Variants in MOSMO observed in about 807,000 individuals in gnomAD.
MOSMO encodes modulator of smoothened protein.
In MOSMO, 5 loss-of-function variants were observed where a neutral mutation model predicts 18.4. The ratio of observed to expected loss-of-function variants is 0.27; its 90% confidence interval spans 0.14 to 0.57. MOSMO has a LOEUF of 0.57. MOSMO is among the 20% of genes least tolerant of loss of function. The probability of loss-of-function intolerance (pLI) is 0.92; values close to 1 mark genes in which losing one functional copy is unlikely to be tolerated. For synonymous variants in MOSMO, 82 were observed against 82.3 expected (o/e 1.00, Z 0.02); for missense variants, 138 against 211.8 (o/e 0.65, Z 2.16).
In MOSMO at chr16:22,083,991, G is replaced by A. The variant is rs1199017691; in HGVS notation, c.*3111G>A. 3.7e-6 allele frequency: 1 copy of A among 267,888 alleles called. No individual in the cohort carries two copies. Among genetic ancestry groups the A allele is most frequent in the Non-Finnish European group, 7.2e-6 (1 of 139,044 alleles). 16.6% of individuals were successfully genotyped at this position (267,888 alleles called of 1,614,324 possible). A position where few individuals can be genotyped will look rare whatever the true frequency, so the allele number is the denominator to read the frequency against. Reference sequence around the variant, plus strand: ...AGGATGGCTCTTTTTTCTTTTTAATGTTCTAGATGACCAAAACACTATTGG... The same window carrying A: ...AGGATGGCTCTTTTTTCTTTTTAATATTCTAGATGACCAAAACACTATTGG... On this transcript the variant is annotated 3_prime_UTR_variant, in exon 3 of 3. Transcript: ENST00000542527.
intron 1 of MOSMO, chr16:22,064,467 T>G (rs1900711882): frequency 2.2e-6 from 1 of 453,574 alleles, no homozygotes; most frequent in South Asian, 1.6e-5. Flanking sequence ...AATTCTTCCA[T>G]GGGAGTTTCT....
chr16:22,040,716 G>T (rs958567283), intron 1 of MOSMO, among the ~76,000 whole-genome samples: 1 of 152,142 alleles, frequency 6.6e-6, no homozygotes, highest in African/African-American at 2.4e-5. Context: ...GGAGAAGAAG[G>T]CTAAAATTCT....
intron 1 of MOSMO, among the ~76,000 whole-genome samples, chr16:22,038,564 T>A (rs1900152077): frequency 6.6e-6 from 1 of 152,142 alleles, no homozygotes; most frequent in African/African-American, 2.4e-5. Flanking sequence ...TTACAGATAA[T>A]GGTGGTAGGA....
intron 1 of MOSMO, among the ~76,000 whole-genome samples, chr16:22,035,870 T>C (rs1197885627): frequency 6.6e-6 from 1 of 152,188 alleles, no homozygotes; most frequent in African/African-American, 2.4e-5. Flanking sequence ...TTGTTACTTT[T>C]TTGTAGTTGT....
chr16:22,088,133 C>T (rs1232362537), downstream of MOSMO, among the ~76,000 whole-genome samples: 1 of 152,064 alleles, frequency 6.6e-6, no homozygotes, highest in Non-Finnish European at 1.5e-5. Context: ...AAGCGATTCA[C>T]CCACCTCAGC....
intron 2 of MOSMO, among the ~76,000 whole-genome samples, chr16:22,078,621 CTAAAG>C (rs1901019239): frequency 6.6e-6 from 1 of 152,102 alleles, no homozygotes; most frequent in Non-Finnish European, 1.5e-5. Context: ...CTGCATATTC[CTAAAG>C]TACTTTTCTA....
intron 1 of MOSMO, chr16:22,075,199 TA>T (rs1387046677): frequency 4.5e-6 from 2 of 442,014 alleles, no homozygotes; most frequent in Non-Finnish European, 8.9e-6. Context: ...CCTAGAAAAA[TA>T]CCTGACACAA....
chr16:22,019,049 G>A (rs1359874042), intron 1 of MOSMO, among the ~76,000 whole-genome samples: 1 of 152,150 alleles, frequency 6.6e-6, no homozygotes, highest in Non-Finnish European at 1.5e-5. Flanking sequence ...CTGTGTAAGT[G>A]CTGTTATTTA....
At chr16:22,079,098 G>C (rs924563345) in intron 2 of MOSMO, among the ~76,000 whole-genome samples, 23 of 152,094 alleles carry the variant, frequency 1.5e-4, no homozygotes, top group African/African-American at 5.3e-4. Context: ...TCATTGTATT[G>C]CTGGAGTTAT....
At chr16:22,041,428 C>G (rs1900207796) in intron 1 of MOSMO, among the ~76,000 whole-genome samples, 2 of 152,126 alleles carry the variant, frequency 1.3e-5, no homozygotes, top group African/African-American at 2.4e-5. Flanking sequence ...TACAGAGAAT[C>G]CGATTCAGCA....
intron 1 of MOSMO, among the ~76,000 whole-genome samples, chr16:22,051,738 C>T (rs1900431864): frequency 1.3e-5 from 2 of 152,174 alleles, no homozygotes; most frequent in African/African-American, 2.4e-5. Context: ...CAACTTGAAG[C>T]CAGTCAGAAG....
chr16:22,009,977 C>A (rs1899489958), intron 1 of MOSMO, among the ~76,000 whole-genome samples: 1 of 151,696 alleles, frequency 6.6e-6, no homozygotes, highest in African/African-American at 2.4e-5. Flanking sequence ...GGCGACAGAG[C>A]GAGACTCTGT....
intron 1 of MOSMO, among the ~76,000 whole-genome samples, chr16:22,029,206 T>C (rs532214633): frequency 1.5e-4 from 23 of 152,326 alleles, no homozygotes; most frequent in Non-Finnish European, 3.1e-4. Flanking sequence ...AGTCAGATGG[T>C]TTAATGTACA....
intron 1 of MOSMO, chr16:22,064,555 A>T (rs1406216411): frequency 2.5e-6 from 1 of 401,026 alleles, no homozygotes; most frequent in Non-Finnish European, 5.1e-6. Flanking sequence ...TACCTGACTC[A>T]CTTTGGTTTA....
At chr16:22,059,812 G>C (rs543959992) in intron 1 of MOSMO, among the ~76,000 whole-genome samples, 1 of 152,104 alleles carries the variant, frequency 6.6e-6, no homozygotes, top group Non-Finnish European at 1.5e-5. Flanking sequence ...TTTTGGGAGG[G>C]GACACAGCCA....
chr16:22,042,172 A>C (rs1356149208), intron 1 of MOSMO, among the ~76,000 whole-genome samples: 1 of 152,144 alleles, frequency 6.6e-6, no homozygotes, highest in Non-Finnish European at 1.5e-5. Flanking sequence ...TGAGAGAACT[A>C]AGAGTGTGAA....
At chr16:22,087,295 C>T (rs1457169942), downstream of MOSMO, 5 of 152,120 alleles carry the variant, frequency 3.3e-5, no homozygotes, top group African/African-American at 9.7e-5. Context: ...GGAATGGACT[C>T]GAGGATTTGA....
intron 1 of MOSMO, among the ~76,000 whole-genome samples, chr16:22,029,401 G>A (rs1023041369): frequency 1.3e-5 from 2 of 152,114 alleles, no homozygotes; most frequent in Admixed American, 6.5e-5. Flanking sequence ...TGTCATGTAT[G>A]TCATTGTAGA....
chr16:22,070,854 C>T (rs1900834870), intron 1 of MOSMO, among the ~76,000 whole-genome samples: 1 of 152,146 alleles, frequency 6.6e-6, no homozygotes, highest in Non-Finnish European at 1.5e-5. Flanking sequence ...GAGCTGCCAG[C>T]GTCTGACTTA....
Sources: allele counts gnomAD v4.1 joint callset (sites outside exome capture counted in the v4.1 genomes callset), GRCh38; gene constraint gnomAD v4.1.1; transcripts MANE v1.5; gene names NCBI Gene and HGNC (gene_info 2026-07-23, HGNC 2026-07-21).